KIRREL3: variants seen among roughly 807,000 people sequenced by gnomAD.
KIRREL3 encodes kirre like nephrin family adhesion molecule 3.
In KIRREL3, 36 loss-of-function variants were observed where a neutral mutation model predicts 89.7. The observed-to-expected ratio is 0.40, with a 90% CI of 0.31 to 0.53. KIRREL3 has a LOEUF of 0.53. KIRREL3 is among the 20% of genes least tolerant of loss of function. The probability of loss-of-function intolerance (pLI) is 0.49; values close to 1 mark genes in which losing one functional copy is unlikely to be tolerated. For synonymous variants in KIRREL3, 445 were observed against 441.4 expected, an observed-to-expected ratio of 1.01 and a Z score of -0.10; for missense variants, 864 against 1,056.6, an observed-to-expected ratio of 0.82 and a Z score of 2.53.
intron 4 of KIRREL3, among the ~76,000 whole-genome samples, chr11:126,504,520 A>AT (rs1251860130): frequency 6.6e-6 from 1 of 152,238 alleles, no homozygotes; most frequent in Non-Finnish European, 1.5e-5. Flanking sequence ...AAGTAAAGAG[A>AT]TTGGACTAAT....
In KIRREL3 at chr11:126,752,989, C is replaced by A. The variant is rs1464066512; in HGVS notation, c.56-190077G>T. 2.0e-5 allele frequency among the ~76,000 whole-genome samples: 3 copies of A among 152,120 alleles called. No homozygotes were observed. The highest frequency in any genetic ancestry group is 6.5e-5 in the Admixed American group (1 of 15,270). The stretch of plus-strand genomic sequence containing the variant: ...ATATTGCTTTGTTTTAGCTGAGAAA[C>A]CTTGGGGTTTTATGTGACCCATGGG... On this transcript the variant is annotated intron_variant, in intron 1 of 16. Transcript: ENST00000525144. The surrounding 1 kb of genome is among the most constrained non-coding windows in gnomAD (Gnocchi z 4.8).
At position 126,943,787 on chromosome 11, in the gene KIRREL3, G is replaced by C. The variant is rs1948533415; in HGVS notation, c.55+56668C>G. On this transcript the variant is annotated intron_variant, in intron 1 of 16. Transcript: ENST00000525144. This position sits in a 1 kb window ranked among gnomAD's most constrained non-coding sequence, Gnocchi z 4.2. ...TTCCCTATGCCCCCTGAGTTTTAGA[G>C]ATACCCTATTTGAATGAGAGAAAAC... 6.6e-6 allele frequency among the ~76,000 whole-genome samples: 1 copy of C among 152,140 alleles called. No homozygotes were observed. Among genetic ancestry groups the C allele is most frequent in the South Asian group, 2.1e-4 (1 of 4,814 alleles).
At chr11:126,511,903 G>T (rs1255679312) in intron 4 of KIRREL3, among the ~76,000 whole-genome samples, 1 of 152,210 alleles carries the variant, frequency 6.6e-6, no homozygotes, top group East Asian at 1.9e-4. Context: ...TTAGCCCTCA[G>T]AGGGCTCCCT....
In KIRREL3 at chr11:126,983,278, G is replaced by A. The variant is rs1949765545; in HGVS notation, c.55+17177C>T. Among the ~76,000 whole-genome samples the A allele has an allele frequency of 1.3e-5, 2 of 152,168 alleles. No individual in the cohort carries two copies. Among genetic ancestry groups the A allele is most frequent in the Admixed American group, 6.5e-5 (1 of 15,278 alleles). On this transcript the variant is annotated intron_variant, in intron 1 of 16. Coordinates refer to ENST00000525144, the MANE Select transcript of KIRREL3 (RefSeq NM_032531.4). This position sits in a 1 kb window ranked among gnomAD's most constrained non-coding sequence, Gnocchi z 4.9. Reference sequence around the variant, plus strand: ...GGTCATTTTCTCTAACTTACAAGTAGTGAGGCTGAGGCACAGATTTCTTAC... The same window carrying A: ...GGTCATTTTCTCTAACTTACAAGTAATGAGGCTGAGGCACAGATTTCTTAC...
rs1369675965 is a variant in KIRREL3, at chr11:126,965,922, T to G, written c.55+34533A>C. Reference sequence around the variant, plus strand: ...GGTACTTGAGTGGACTGGCCTCAACTTGTAGAATTTAGAGTTTTCAAAGTT... The same window carrying G: ...GGTACTTGAGTGGACTGGCCTCAACGTGTAGAATTTAGAGTTTTCAAAGTT... On this transcript the variant is annotated intron_variant, in intron 1 of 16. Coordinates refer to ENST00000525144, the MANE Select transcript of KIRREL3 (RefSeq NM_032531.4). The surrounding 1 kb of genome is among the most constrained non-coding windows in gnomAD (Gnocchi z 4.4). 6.6e-6 allele frequency among the ~76,000 whole-genome samples: 1 copy of G among 152,182 alleles called. No individual in the cohort carries two copies. The highest frequency in any genetic ancestry group is 1.5e-5 in the Non-Finnish European group (1 of 68,026).
Position 126,431,515 on chromosome 11 carries a change from T to A in KIRREL3, c.1600A>T (p.Met534Leu). 1.2e-6 allele frequency: 2 copies of A among 1,613,766 alleles called. No individual in the cohort carries two copies. Among genetic ancestry groups the A allele is most frequent in the Non-Finnish European group, 1.7e-6 (2 of 1,179,868 alleles). Reference protein sequence around the residue: ...GAGLEAESVPMAVIIGVAVGA... With the variant: ...GAGLEAESVPLAVIIGVAVGA... ...ACGGCCACCCCAATGATGACGGCCA[T>A]CGGCACAGACTCTGTGGGAGAGAAG... Residue 534 changes from methionine (M) to leucine (L), a missense_variant, in exon 14 of 17, where the codon ATG (methionine) becomes TTG (leucine). Physicochemically the swap from Met to Leu is conservative, Grantham distance 15. Coordinates refer to ENST00000525144, the MANE Select transcript of KIRREL3 (RefSeq NM_032531.4). The surrounding 1 kb of genome is among the most constrained non-coding windows in gnomAD (Gnocchi z 7.1).
chr11:126,608,921 T>A lies in KIRREL3; in HGVS notation c.56-46009A>T, dbSNP rs1378416984. Among the ~76,000 whole-genome samples, 3 of 152,192 alleles carry A rather than the reference T, an allele frequency of 2.0e-5. No homozygotes were observed. Among genetic ancestry groups the A allele is most frequent in the African/African-American group, 7.2e-5 (3 of 41,456 alleles). ...GCAGCTCTGGAGCCCAGCTTGCTGT[T>A]AGCCCTGAGAAACAAGTGACTTCCT... On this transcript the variant is annotated intron_variant, in intron 1 of 16. Coordinates refer to ENST00000525144, the MANE Select transcript of KIRREL3 (RefSeq NM_032531.4). The surrounding 1 kb of genome is among the most constrained non-coding windows in gnomAD (Gnocchi z 4.9).
intron 2 of KIRREL3, among the ~76,000 whole-genome samples, chr11:126,529,766 AC>A (rs1958886609): frequency 6.6e-6 from 1 of 151,638 alleles, no homozygotes; most frequent in Non-Finnish European, 1.5e-5. Context: ...GGGAGACAGT[AC>A]TCTAATTGAC....
chr11:126,863,641 GTGTGTT>G (rs201602081), intron 1 of KIRREL3, among the ~76,000 whole-genome samples: 130 of 151,114 alleles, frequency 8.6e-4, no homozygotes, highest in Middle Eastern at 3.4e-3. Context: ...GTGCGTGTGT[GTGTGTT>G]TGAGTGCGTG....
rs1284309710 is a variant in KIRREL3, at chr11:126,641,460, A to T, written c.56-78548T>A. Among the ~76,000 whole-genome samples the T allele has an allele frequency of 6.6e-6, 1 of 152,048 alleles. No individual in the cohort carries two copies. The highest frequency in any genetic ancestry group is 1.5e-5 in the Non-Finnish European group (1 of 68,008). The stretch of plus-strand genomic sequence containing the variant: ...AGTTTTACAGATTCTGGCTACAAAT[A>T]CCTGAGGTAAAAGGATACCTTTGAC... On this transcript the variant is annotated intron_variant, in intron 1 of 16. Transcript: ENST00000525144. The surrounding 1 kb of genome is among the most constrained non-coding windows in gnomAD (Gnocchi z 5.0).
intron 9 of KIRREL3, among the ~76,000 whole-genome samples, 187 bp from the exon 10 acceptor site, chr11:126,445,292 G>T (rs896385288): frequency 1.1e-4 from 17 of 152,248 alleles, no homozygotes; most frequent in African/African-American, 4.1e-4. Context: ...GGGCTGTACA[G>T]AGGAGACTGT....
chr11:126,772,892 C>G lies in KIRREL3; in HGVS notation c.56-209980G>C, dbSNP rs567238073. Among the ~76,000 whole-genome samples the G allele has an allele frequency of 6.6e-6, 1 of 152,200 alleles. No homozygotes were observed. The highest frequency in any genetic ancestry group is 1.9e-4 in the East Asian group (1 of 5,190). On this transcript the variant is annotated intron_variant, in intron 1 of 16. Transcript: ENST00000525144. This position sits in a 1 kb window ranked among gnomAD's most constrained non-coding sequence, Gnocchi z 4.6. The stretch of plus-strand genomic sequence containing the variant: ...TTTGGCCAGAAACCTGCTTGGCCAA[C>G]AATCTCCCCAGTGATTCTTACGGAC...
chr11:126,532,616 T>C (rs968873312), intron 2 of KIRREL3, among the ~76,000 whole-genome samples: 2 of 152,120 alleles, frequency 1.3e-5, no homozygotes, highest in Non-Finnish European at 2.9e-5. Context: ...CCTCAAGTGA[T>C]CTGCCCACCT....
rs1940425916 is a variant in KIRREL3 at position 126,565,169 on chromosome 11, T to C, written c.56-2257A>G. ...GGTCTTCTGGACTGTGACTGAACGC[T>C]CAGGCAAATGGAAGGGCGAACAATT... On this transcript the variant is annotated intron_variant, in intron 1 of 16. Transcript: ENST00000525144. The surrounding 1 kb of genome is among the most constrained non-coding windows in gnomAD (Gnocchi z 5.4). Among the ~76,000 whole-genome samples, 1 of 152,068 alleles carries C rather than the reference T, an allele frequency of 6.6e-6. No individual in the cohort carries two copies. Among genetic ancestry groups the C allele is most frequent in the Non-Finnish European group, 1.5e-5 (1 of 68,030 alleles).
rs1379379308 is a variant in KIRREL3, at chr11:126,997,349, A to G, written c.55+3106T>C. Among the ~76,000 whole-genome samples the G allele has an allele frequency of 6.6e-6, 1 of 152,184 alleles. No homozygotes were observed. Among genetic ancestry groups the G allele is most frequent in the African/African-American group, 2.4e-5 (1 of 41,454 alleles). Reference sequence around the variant, plus strand: ...CAAAGCATGACCGTCCTGACAGCTGAGGGAAGAGGCATCCACGGCAAGGGA... The same window carrying G: ...CAAAGCATGACCGTCCTGACAGCTGGGGGAAGAGGCATCCACGGCAAGGGA... On this transcript the variant is annotated intron_variant, in intron 1 of 16. Transcript: ENST00000525144. The surrounding 1 kb of genome is among the most constrained non-coding windows in gnomAD (Gnocchi z 4.3).
chr11:126,809,734 C>T (rs942658769), intron 1 of KIRREL3, among the ~76,000 whole-genome samples: 1 of 152,158 alleles, frequency 6.6e-6, no homozygotes, highest in Non-Finnish European at 1.5e-5. Context: ...TTGCTATCAT[C>T]CCTGCCTCTA....
rs183696917 is a variant in KIRREL3, at chr11:126,725,335, C to T, written c.56-162423G>A. On this transcript the variant is annotated intron_variant, in intron 1 of 16. Transcript: ENST00000525144. ...CTCTGGCAGAGTGCGCTATCAGGAG[C>T]GATCAAAGCAAAAAAAAGGGTTCAT... is the stretch of plus-strand genomic sequence containing the variant. 1.9e-3 allele frequency among the ~76,000 whole-genome samples: 118 copies of T among 63,586 alleles called. 1 individual carries two copies. The highest frequency in any genetic ancestry group is 3.3e-3 in the Non-Finnish European group (99 of 30,302). The allele number at this position is 63,586 out of a possible 152,430, so 41.7% of individuals were successfully genotyped here. A position where few individuals can be genotyped will look rare whatever the true frequency, so the allele number is the denominator to read the frequency against.
intron 1 of KIRREL3, among the ~76,000 whole-genome samples, chr11:126,732,020 G>A (rs2134197114): frequency 6.6e-6 from 1 of 152,332 alleles, no homozygotes; most frequent in Non-Finnish European, 1.5e-5. Flanking sequence ...TGCAGGAAGG[G>A]TGGGACCTCA....
At position 126,579,782 on chromosome 11, in the gene KIRREL3, G is replaced by A. The variant is rs1346108750; in HGVS notation, c.56-16870C>T. Among the ~76,000 whole-genome samples the A allele has an allele frequency of 6.6e-6, 1 of 151,882 alleles. No individual in the cohort carries two copies. The highest frequency in any genetic ancestry group is 1.5e-5 in the Non-Finnish European group (1 of 67,998). On this transcript the variant is annotated intron_variant, in intron 1 of 16. Coordinates refer to ENST00000525144, the MANE Select transcript of KIRREL3 (RefSeq NM_032531.4). The surrounding 1 kb of genome is among the most constrained non-coding windows in gnomAD (Gnocchi z 5.3). ...TGACCCCCTGCCTCTCTCCACCTCTGCGTGATGTTTTTCTGTTCGCCTGTC... is the reference window on the plus strand; with the variant it reads ...TGACCCCCTGCCTCTCTCCACCTCTACGTGATGTTTTTCTGTTCGCCTGTC...
Sources: gnomAD v4.1 joint callset for allele counts (sites outside exome capture counted in the v4.1 genomes callset) on GRCh38, gnomAD v4.1.1 for gene constraint, Gnocchi (gnomAD v3.1) non-coding constraint, MANE v1.5 for transcripts, NCBI Gene and HGNC (gene_info 2026-07-23, HGNC 2026-07-21) for gene names.